SPIRE2: variants seen among roughly 807,000 people sequenced by gnomAD.
The protein encoded by SPIRE2 is protein spire homolog 2.
SPIRE2 carries 76 observed loss-of-function variants against 80.7 expected under a neutral mutation model. The ratio of observed to expected loss-of-function variants is 0.94; its 90% CI spans 0.78 to 1.14. The LOEUF (loss-of-function observed/expected upper bound fraction) is 1.14, where lower values mean the gene tolerates loss of function less well. SPIRE2 is among the 50% of genes most tolerant of loss of function. The pLI, the probability that SPIRE2 is intolerant of heterozygous loss-of-function variation, is 0.00. For synonymous variants in SPIRE2, 535 were observed against 432.6 expected (o/e 1.24, Z -2.94); for missense variants, 1,196 against 1,015.3 (o/e 1.18, Z -2.42).
intron 3 of SPIRE2, among the ~76,000 whole-genome samples, chr16:89,853,859 A>C: frequency 6.6e-6 from 1 of 152,236 alleles, no homozygotes; most frequent in Non-Finnish European, 1.5e-5. Context: ...GCCAGGCAGC[A>C]GCTCATCCAC....
At position 89,854,341 on chromosome 16, in the gene SPIRE2, T is replaced by C. The variant is rs1478030775; in HGVS notation, c.701T>C (p.Leu234Pro). The change falls in exon 4 of 15, where the codon CTG becomes CCG. Residue 234 changes from leucine to proline, a missense_variant. Coordinates refer to ENST00000378247, the MANE Select transcript of SPIRE2 (RefSeq NM_032451.2). ...CATCTGGAGACGCCTCGGGCAGAGC[T>C]GGACAGCCTGGGTCACACAGACTGG... is the stretch of plus-strand genomic sequence containing the variant. ...EPHLETPRAE[L>P]DSLGHTDWAR... 2 of 1,612,456 alleles carry C rather than the reference T, an allele frequency of 1.2e-6. No homozygotes were observed. The highest frequency in any genetic ancestry group is 1.7e-6 in the Non-Finnish European group (2 of 1,179,860).
At chr16:89,862,537 CGT>C (rs2041753901) in intron 10 of SPIRE2, 1 of 152,292 alleles carries the variant, frequency 6.6e-6, no homozygotes, top group Non-Finnish European at 1.5e-5. Context: ...CTGTACCTGG[CGT>C]GAGGTCTCCT....
chr16:89,854,681 T>A (rs1173476347), intron 5 of SPIRE2, 30 bp downstream of exon 5: 1 of 1,600,492 alleles, frequency 6.2e-7, no homozygotes, highest in African/African-American at 1.4e-5. Context: ...AGGGGCAGCC[T>A]GGATGCAGAG....
At position 89,863,696 on chromosome 16, in the gene SPIRE2, T is replaced by G. The variant is rs532398201; in HGVS notation, c.1710+86T>G. On this transcript the variant is annotated intron_variant, in intron 11 of 14. Coordinates refer to ENST00000378247, the MANE Select transcript of SPIRE2 (RefSeq NM_032451.2). This position sits in a 1 kb window ranked among gnomAD's most constrained non-coding sequence, Gnocchi z 4.3. Reference sequence around the variant, plus strand: ...AGGGCCAGTTCCCAGGACTGTTTGCTCATGATCTGGTTGGGAGCCCTGAGG... The same window carrying G: ...AGGGCCAGTTCCCAGGACTGTTTGCGCATGATCTGGTTGGGAGCCCTGAGG... The G allele has an allele frequency of 6.2e-6, 10 of 1,611,672 alleles. No individual in the cohort carries two copies. The African/African-American group carries it at 1.2e-4, about 19-fold the overall frequency.
intron 1 of SPIRE2, among the ~76,000 whole-genome samples, chr16:89,832,528 C>T (rs1429385333): frequency 6.6e-6 from 1 of 152,042 alleles, no homozygotes; most frequent in Admixed American, 6.6e-5. Context: ...GCTTGGAATG[C>T]GTTCCTTAAA....
chr16:89,842,389 T>C (rs973355263), intron 1 of SPIRE2, among the ~76,000 whole-genome samples: 14 of 151,736 alleles, frequency 9.2e-5, no homozygotes, highest in African/African-American at 3.4e-4. Context: ...ATTTTTGTAT[T>C]TTTAGTAGAA....
intron 1 of SPIRE2, among the ~76,000 whole-genome samples, chr16:89,839,373 CA>C (rs537824236): frequency 3.0e-4 from 37 of 123,506 alleles, no homozygotes; most frequent in Non-Finnish European, 2.2e-4. Context: ...GACTCCATCT[CA>C]AAAAAAAAAA....
At chr16:89,831,273 G>A (rs2041378396) in intron 1 of SPIRE2, among the ~76,000 whole-genome samples, 1 of 150,900 alleles carries the variant, frequency 6.6e-6, no homozygotes, top group Non-Finnish European at 1.5e-5. Context: ...CATGTGCAAG[G>A]TGGGTGGGAT....
At chr16:89,853,493 C>T (rs1470769957) in intron 3 of SPIRE2, among the ~76,000 whole-genome samples, 1 of 152,168 alleles carries the variant, frequency 6.6e-6, no homozygotes, top group Non-Finnish European at 1.5e-5. Context: ...ACAGGAGTGC[C>T]ACCCTCTGTG....
chr16:89,829,393 A>G (rs1318402748), intron 1 of SPIRE2, among the ~76,000 whole-genome samples: 1 of 152,234 alleles, frequency 6.6e-6, no homozygotes, highest in Non-Finnish European at 1.5e-5. Context: ...GTTAGTGAGA[A>G]TGGTGAGCTT....
In SPIRE2 at chr16:89,852,542, C is replaced by T. The variant is rs147662179; in HGVS notation, c.646-1744C>T. ...CATCCTCCCTCCACCCCCCGGATCC[C>T]CTGGCCCATCTTCCGTCCTCTCCCC... On this transcript the variant is annotated intron_variant, in intron 3 of 14. Transcript: ENST00000378247. 1.8e-4 allele frequency among the ~76,000 whole-genome samples: 5 copies of T among 27,432 alleles called. 2 individuals are homozygous for T. Among genetic ancestry groups the T allele is most frequent in the African/African-American group, 1.0e-3 (5 of 4,778 alleles). The allele number at this position is 27,432 out of a possible 152,430, so 18.0% of individuals were successfully genotyped here.
intron 12 of SPIRE2, among the ~76,000 whole-genome samples, chr16:89,866,436 T>TA (rs1218865563): frequency 3.3e-5 from 5 of 152,034 alleles, no homozygotes; most frequent in African/African-American, 7.2e-5. Flanking sequence ...TAGCTGGCAT[T>TA]ACAGGCATGT....
chr16:89,850,210 T>C (rs780153284), intron 2 of SPIRE2, 94 bp from the exon 3 acceptor site: 39 of 1,017,624 alleles, frequency 3.8e-5, no homozygotes, highest in Middle Eastern at 4.0e-4. Context: ...GCTGTCTCCC[T>C]GGCCGGGTGC....
intron 1 of SPIRE2, among the ~76,000 whole-genome samples, chr16:89,843,665 ACG>A: frequency 1.2e-5 from 1 of 81,266 alleles, no homozygotes; most frequent in Non-Finnish European, 2.2e-5. Context: ...CCTTGCTGCC[ACG>A]TTTTTTTTTT....
chr16:89,832,595 G>A (rs1411002428), intron 1 of SPIRE2, among the ~76,000 whole-genome samples: 1 of 151,968 alleles, frequency 6.6e-6, no homozygotes, highest in Non-Finnish European at 1.5e-5. Flanking sequence ...GGGGCATCAC[G>A]GCCAGCATCA....
rs550594038 is a variant in SPIRE2, at chr16:89,863,713, G to T, written c.1711-81G>T. ...CTGTTTGCTCATGATCTGGTTGGGA[G>T]CCCTGAGGGGGTAGCAGGGACAGGG... On this transcript the variant is annotated intron_variant, in intron 11 of 14. Coordinates refer to ENST00000378247, the MANE Select transcript of SPIRE2 (RefSeq NM_032451.2). This position sits in a 1 kb window ranked among gnomAD's most constrained non-coding sequence, Gnocchi z 4.3. The T allele has an allele frequency of 8.7e-6, 14 of 1,608,152 alleles. No homozygotes were observed. In the South Asian group the frequency reaches 1.4e-4, roughly 16 times the overall value.
intron 14 of SPIRE2, 53 bp downstream of exon 14, chr16:89,869,735 G>C (rs1204705223): frequency 7.1e-7 from 1 of 1,408,156 alleles, no homozygotes; most frequent in African/African-American, 1.4e-5. Context: ...GCGTGAAGAG[G>C]AACTTGGGAG....
At chr16:89,856,029 A>ACAGGTCCCGCTTCCCCACCG (rs1028864288) in intron 6 of SPIRE2, 84 bp from the exon 7 acceptor site, 64 of 1,557,896 alleles carry the variant, frequency 4.1e-5, no homozygotes, top group East Asian at 1.9e-4. Flanking sequence ...CTTCCCCACC[A>ACAGGTCCCGCTTCCCCACCG]CAGGTCCCGC....
At position 89,863,638 on chromosome 16, in the gene SPIRE2, C is replaced by A; in HGVS notation, c.1710+28C>A. 1 of 1,614,016 alleles carries A rather than the reference C, an allele frequency of 6.2e-7. No homozygotes were observed. Among genetic ancestry groups the A allele is most frequent in the Non-Finnish European group, 8.5e-7 (1 of 1,180,000 alleles). The stretch of plus-strand genomic sequence containing the variant: ...GAGGCTGCCTAGACGTGGGGCTACG[C>A]TCTTGCCCGCTGGGTCAGGGGCGGG... On this transcript the variant is annotated intron_variant, in intron 11 of 14. Transcript: ENST00000378247. This position sits in a 1 kb window ranked among gnomAD's most constrained non-coding sequence, Gnocchi z 4.3.
Sources: allele counts gnomAD v4.1 joint callset (sites outside exome capture counted in the v4.1 genomes callset), GRCh38; gene constraint gnomAD v4.1.1; non-coding constraint Gnocchi (gnomAD v3.1); transcripts MANE v1.5; gene names NCBI Gene and HGNC (gene_info 2026-07-23, HGNC 2026-07-21).